WDFY4: variants seen among roughly 807,000 people sequenced by gnomAD.
WDFY4 encodes the protein WD repeat- and FYVE domain-containing protein 4.
A neutral mutation model predicts 351.9 loss-of-function variants in WDFY4; 169 were observed. The observed-to-expected ratio is 0.48, with a 90% CI of 0.42 to 0.55. WDFY4 has a LOEUF of 0.55. WDFY4 is among the 20% of genes least tolerant of loss of function. The pLI is 0.00. For missense variants in WDFY4, 3,803 were observed against 3,935.6 expected, an observed-to-expected ratio of 0.97 and a Z score of 0.90; for synonymous variants, 1,622 against 1,574.6, an observed-to-expected ratio of 1.03 and a Z score of -0.71.
intron 40 of WDFY4, 23 bp from the exon 41 acceptor site, chr10:48,873,468 G>A: frequency 1.3e-6 from 2 of 1,529,504 alleles, no homozygotes; most frequent in Non-Finnish European, 1.8e-6. Context: ...TGTATCCAGG[G>A]TGACTCTGTT....
rs755315855 is a variant in WDFY4, at chr10:48,975,027, A to G, written c.9094A>G (p.Ile3032Val). The G allele has an allele frequency of 7.1e-6, 11 of 1,551,594 alleles. No individual in the cohort carries two copies. The highest frequency in any genetic ancestry group is 6.8e-5 in the African/African-American group (5 of 73,040). ...TCGGGAAGGCATCTCAGCCATCACCATCAGTGACGTCTCAGTAAGTCTCCT... is the reference window on the plus strand; with the variant it reads ...TCGGGAAGGCATCTCAGCCATCACCGTCAGTGACGTCTCAGTAAGTCTCCT... ...AHREGISAITISDVSGTIVSC... is the reference protein window; with the variant it reads ...AHREGISAITVSDVSGTIVSC... Residue 3032 changes from isoleucine (I) to valine (V), a missense_variant, in exon 58 of 62, where the codon ATC becomes GTC. Coordinates refer to ENST00000325239, the MANE Select transcript of WDFY4 (RefSeq NM_001394531.1).
At chr10:48,767,303 A>G (rs1481768020) in intron 13 of WDFY4, among the ~76,000 whole-genome samples, 1 of 152,224 alleles carries the variant, frequency 6.6e-6, no homozygotes, top group Non-Finnish European at 1.5e-5. Flanking sequence ...TGCCCTGTGT[A>G]TGGGTACATC....
In WDFY4 at chr10:48,970,225, C is replaced by G; in HGVS notation, c.8864C>G (p.Thr2955Ser). 1 of 1,551,760 alleles carries G rather than the reference C, an allele frequency of 6.4e-7. No individual in the cohort carries two copies. The highest frequency in any genetic ancestry group is 8.7e-7 in the Non-Finnish European group (1 of 1,147,014). The stretch of plus-strand genomic sequence containing the variant: ...ACGATTGTCACCTCTGGGACCAGCA[C>G]TGTGGTGTGTGTGTGGGAGCTCAGC... ...PTTIVTSGTSTVVCVWELSMT... is the reference protein window; with the variant it reads ...PTTIVTSGTSSVVCVWELSMT... Residue 2955 changes from threonine to serine, a missense_variant, in exon 57 of 62, where the codon ACT (threonine) becomes AGT (serine). Thr to Ser is a moderately conservative substitution (Grantham distance 58). This residue lies in a region of WDFY4 where 3,054 missense variants were observed against 3,148.6 expected (regional missense o/e 0.97). Coordinates refer to ENST00000325239, the MANE Select transcript of WDFY4 (RefSeq NM_001394531.1).
At chr10:48,708,586 A>G (rs765171937) in intron 1 of WDFY4, among the ~76,000 whole-genome samples, 3 of 152,196 alleles carry the variant, frequency 2.0e-5, no homozygotes, top group Non-Finnish European at 4.4e-5. Context: ...ACAATAAACT[A>G]TCCTATGTTA....
intron 24 of WDFY4, among the ~76,000 whole-genome samples, chr10:48,799,026 G>T (rs757801477): frequency 6.6e-6 from 1 of 152,176 alleles, no homozygotes; most frequent in Non-Finnish European, 1.5e-5. Flanking sequence ...TGCAACCGCT[G>T]CTGCCCCTTC....
chr10:48,768,115 G>A (rs1463097259), intron 13 of WDFY4, among the ~76,000 whole-genome samples: 1 of 152,188 alleles, frequency 6.6e-6, no homozygotes, highest in Admixed American at 6.5e-5. Context: ...CAAATTGGAG[G>A]GTAGTCCTGT....
rs11101502 is a variant in WDFY4, at chr10:48,800,326, G to A, written c.4411-2960G>A. Reference sequence around the variant, plus strand: ...CCTCAGAGGGTTTGGAGACAAGAGAGTGGATCACAGGAGAAACGGTGGGAT... The same window carrying A: ...CCTCAGAGGGTTTGGAGACAAGAGAATGGATCACAGGAGAAACGGTGGGAT... On this transcript the variant is annotated intron_variant, in intron 24 of 61. Coordinates refer to ENST00000325239, the MANE Select transcript of WDFY4 (RefSeq NM_001394531.1). Among the ~76,000 whole-genome samples the A allele has an allele frequency of 8.0e-3, 1,218 of 152,346 alleles. 46 individuals are homozygous for A. The East Asian group carries it at 0.13, about 16-fold the overall frequency.
rs1589659806 is a variant in WDFY4, at chr10:48,807,850, T to C, written c.4739-9T>C. On this transcript the variant is annotated splice_polypyrimidine_tract_variant and intron_variant, in intron 27 of 61. Coordinates refer to ENST00000325239, the MANE Select transcript of WDFY4 (RefSeq NM_001394531.1). ...CCATTTTCTCTCAAATCTGAATTCT[T>C]TTTTGTAGCTGGAAGCCAAACATCT... The C allele has an allele frequency of 6.4e-7, 1 of 1,551,592 alleles. No homozygotes were observed. Among genetic ancestry groups the C allele is most frequent in the Non-Finnish European group, 8.7e-7 (1 of 1,146,924 alleles).
intron 31 of WDFY4, among the ~76,000 whole-genome samples, chr10:48,815,809 C>G (rs1019184252): frequency 6.6e-6 from 1 of 151,934 alleles, no homozygotes; most frequent in African/African-American, 2.4e-5. Context: ...TCAAAGACCT[C>G]ATTTAGTCAC....
intron 13 of WDFY4, among the ~76,000 whole-genome samples, chr10:48,764,708 G>T (rs1054694029): frequency 6.6e-6 from 1 of 152,260 alleles, no homozygotes; most frequent in South Asian, 2.1e-4. Flanking sequence ...GAGCCAGACT[G>T]TGTAGCTGCC....
intron 51 of WDFY4, 90 bp from the exon 52 acceptor site, chr10:48,957,039 A>T: frequency 6.8e-7 from 1 of 1,475,530 alleles, no homozygotes; most frequent in Non-Finnish European, 9.1e-7. Context: ...TAATGGTGGA[A>T]CCCGTGCCTC....
chr10:48,931,512 G>A (rs1840005221), intron 47 of WDFY4, among the ~76,000 whole-genome samples: 1 of 152,170 alleles, frequency 6.6e-6, no homozygotes, highest in African/African-American at 2.4e-5. Context: ...CCCGTATTAT[G>A]GTGCAATATG....
At chr10:48,874,380 T>C (rs1350731588) in intron 41 of WDFY4, among the ~76,000 whole-genome samples, 1 of 152,212 alleles carries the variant, frequency 6.6e-6, no homozygotes, top group African/African-American at 2.4e-5. Flanking sequence ...TATTGAATGA[T>C]CATAATTTAA....
chr10:48,842,750 A>G (rs2068651605), intron 39 of WDFY4, among the ~76,000 whole-genome samples: 1 of 152,206 alleles, frequency 6.6e-6, no homozygotes, highest in Non-Finnish European at 1.5e-5. Context: ...TGCAAAGTCC[A>G]CACACTTAAT....
chr10:48,740,438 C>T (rs1001935326), intron 11 of WDFY4, among the ~76,000 whole-genome samples: 1 of 152,210 alleles, frequency 6.6e-6, no homozygotes, highest in Non-Finnish European at 1.5e-5. Context: ...CTTAGCCTTT[C>T]CTGACCCTGG....
intron 9 of WDFY4, among the ~76,000 whole-genome samples, chr10:48,732,470 C>T (rs1454856380): frequency 6.6e-6 from 1 of 152,174 alleles, no homozygotes; most frequent in Non-Finnish European, 1.5e-5. Flanking sequence ...GGTCAGGGAG[C>T]TCTCTAGCCT....
At chr10:48,712,882 A>G (rs2063803236) in intron 2 of WDFY4, among the ~76,000 whole-genome samples, 1 of 152,206 alleles carries the variant, frequency 6.6e-6, no homozygotes, top group Non-Finnish European at 1.5e-5. Context: ...AAAGCCTTAT[A>G]CATGTATTGG....
chr10:48,777,293 T>C, intron 16 of WDFY4, 126 bp from the exon 17 acceptor site: 1 of 909,910 alleles, frequency 1.1e-6, no homozygotes, highest in Non-Finnish European at 1.7e-6. Flanking sequence ...TGGGACCTTA[T>C]GGTCTAAGGA....
intron 47 of WDFY4, among the ~76,000 whole-genome samples, chr10:48,939,099 C>T (rs924819213): frequency 1.3e-5 from 2 of 152,226 alleles, no homozygotes; most frequent in African/African-American, 2.4e-5. Flanking sequence ...GTCCACTGGG[C>T]TGACTGAGCA....
Sources: gnomAD v4.1 joint callset for allele counts (sites outside exome capture counted in the v4.1 genomes callset) on GRCh38, gnomAD v4.1.1 for gene constraint, gnomAD v4.1.1 regional missense constraint, MANE v1.5 for transcripts, NCBI Gene and HGNC (gene_info 2026-07-23, HGNC 2026-07-21) for gene names.